The following GYG1 variants were observed in gnomAD, a reference collection of about 807,000 sequenced individuals.
GYG1 encodes glycogenin-1.
GYG1 carries 44 observed loss-of-function variants against 41.9 expected under a neutral mutation model. The ratio of observed to expected loss-of-function variants is 1.05; its 90% CI spans 0.83 to 1.35. The LOEUF is 1.35. GYG1 is among the 40% of genes most tolerant of loss of function. The pLI is 0.00. For synonymous variants in GYG1, 141 were observed against 158.1 expected (o/e 0.89, Z 0.81); for missense variants, 429 against 418.9 (o/e 1.02, Z -0.21).
chr3:148,996,328 A>T lies in GYG1; in HGVS notation c.170A>T (p.Glu57Val). The change falls in exon 3 of 8, where the codon GAA (glutamate) becomes GTA (valine). Residue 57 changes from glutamate (E) to valine (V), a missense_variant. Physicochemically the swap from Glu to Val is moderately radical, Grantham distance 121 (BLOSUM62 -2). Transcript: ENST00000345003. The stretch of plus-strand genomic sequence containing the variant: ...AAAGTTTTAGAGACAGTCTTTGATG[A>T]AGTCATCATGGTAGATGTCTTGGAC... ...MRKVLETVFDEVIMVDVLDSG... is the reference protein window; with the variant it reads ...MRKVLETVFDVVIMVDVLDSG... 6.2e-7 allele frequency: 1 copy of T among 1,611,660 alleles called. No homozygotes were observed. The highest frequency in any genetic ancestry group is 8.5e-7 in the Non-Finnish European group (1 of 1,179,342).
chr3:148,996,516 A>G (rs776697316), intron 3 of GYG1, 40 bp downstream of exon 3: 6 of 1,529,372 alleles, frequency 3.9e-6, no homozygotes, highest in East Asian at 2.2e-5. Flanking sequence ...AGACATATAT[A>G]TATATGGTGA....
intron 5 of GYG1, among the ~76,000 whole-genome samples, chr3:149,011,853 C>T (rs953919415): frequency 2.0e-5 from 3 of 152,178 alleles, no homozygotes; most frequent in South Asian, 2.1e-4. Context: ...GGAACAACTC[C>T]GTCCATTAGC....
At chr3:149,022,784 G>A (rs923990869) in intron 5 of GYG1, among the ~76,000 whole-genome samples, 4 of 152,088 alleles carry the variant, frequency 2.6e-5, no homozygotes, top group Admixed American at 6.5e-5. Context: ...GTAAGCCACC[G>A]TACCCGGCCT....
intron 4 of GYG1, among the ~76,000 whole-genome samples, chr3:148,997,525 TTCTG>T (rs528754507): frequency 2.0e-3 from 305 of 152,286 alleles, no homozygotes; most frequent in African/African-American, 6.9e-3. Flanking sequence ...TATATAATGG[TTCTG>T]TCTGTGATAT....
chr3:149,027,252 A>AGCCTGGT lies in GYG1; in HGVS notation c.*320_*326dup, dbSNP rs1174739197. ...CTGTATCAGTTCTTAAAATCTGCAG[A>AGCCTGGT]GCCTGGTTCAAAATCAGTCACTCCC... On this transcript the variant is annotated 3_prime_UTR_variant, in exon 8 of 8. Transcript: ENST00000345003. 1 of 359,898 alleles carries AGCCTGGT rather than the reference A, an allele frequency of 2.8e-6. No individual in the cohort carries two copies. The highest frequency in any genetic ancestry group is 5.2e-6 in the Non-Finnish European group (1 of 193,482). The allele number at this position is 359,898 out of a possible 1,614,324, so 22.3% of individuals were successfully genotyped here.
chr3:149,024,130 A>C lies in GYG1; in HGVS notation c.686A>C (p.Lys229Thr). ...PWNYTYDPKT[K>T]SVKSEAHDPN... ...AATTATACTTATGATCCCAAAACAA[A>C]AAGTGTCAAAAGTGAGGCCCATGAT... The change falls in exon 6 of 8, where the codon AAA becomes ACA. Residue 229 changes from lysine (K) to threonine (T), a missense_variant. Lys to Thr is a moderately conservative substitution (Grantham distance 78). Coordinates refer to ENST00000345003, the MANE Select transcript of GYG1 (RefSeq NM_004130.4). 1 of 1,613,998 alleles carries C rather than the reference A, an allele frequency of 6.2e-7. No individual in the cohort carries two copies. Among genetic ancestry groups the C allele is most frequent in the Non-Finnish European group, 8.5e-7 (1 of 1,179,866 alleles).
At chr3:149,025,456 T>G (rs1714601340) in intron 6 of GYG1, among the ~76,000 whole-genome samples, 1 of 152,322 alleles carries the variant, frequency 6.6e-6, no homozygotes, top group East Asian at 1.9e-4. Flanking sequence ...CATGGACTAC[T>G]GCTGGTCCGT....
chr3:148,995,213 AAAC>A (rs1243880190), intron 2 of GYG1, among the ~76,000 whole-genome samples: 7 of 152,166 alleles, frequency 4.6e-5, no homozygotes, highest in East Asian at 1.9e-4. Flanking sequence ...CTGTCTTAAA[AAAC>A]AACAACAACA....
At chr3:149,024,297 A>T in intron 6 of GYG1, 25 bp downstream of exon 6, 1 of 1,336,708 alleles carries the variant, frequency 7.5e-7, no homozygotes, top group Non-Finnish European at 1.1e-6. Flanking sequence ...TTTTCTTCAG[A>T]TCATTTAATG....
chr3:148,998,815 A>G (rs1038443936), intron 4 of GYG1, among the ~76,000 whole-genome samples: 1 of 152,354 alleles, frequency 6.6e-6, no homozygotes, highest in Admixed American at 6.5e-5. Flanking sequence ...TGTTTTTAGC[A>G]GAAGTCCACT....
At chr3:149,016,409 T>C (rs866072256) in intron 5 of GYG1, among the ~76,000 whole-genome samples, 16 of 151,860 alleles carry the variant, frequency 1.1e-4, no homozygotes, top group Middle Eastern at 6.4e-3. Flanking sequence ...AATCAGCCAA[T>C]AGAGGCTAAG....
chr3:149,008,750 G>A (rs1713551183), intron 4 of GYG1: 2 of 167,916 alleles, frequency 1.2e-5, no homozygotes, highest in Non-Finnish European at 2.6e-5. Context: ...GCAATGCCTA[G>A]TACAGTATCT....
chr3:149,027,017 C>T lies in GYG1; in HGVS notation c.*84C>T. On this transcript the variant is annotated 3_prime_UTR_variant, in exon 8 of 8. Coordinates refer to ENST00000345003, the MANE Select transcript of GYG1 (RefSeq NM_004130.4). ...TATCTAGAGCTGGGTTGAGAAAAGT[C>T]TGTTACAGTTGCTAGAGGTTTTCAT... 1.4e-6 allele frequency: 2 copies of T among 1,403,378 alleles called. No homozygotes were observed. Among genetic ancestry groups the T allele is most frequent in the Non-Finnish European group, 2.0e-6 (2 of 988,432 alleles). The allele number at this position is 1,403,378 out of a possible 1,614,324, so 86.9% of individuals were successfully genotyped here. A position where few individuals can be genotyped will look rare whatever the true frequency, so the allele number is the denominator to read the frequency against.
chr3:149,012,070 C>A (rs1259379168), intron 5 of GYG1, among the ~76,000 whole-genome samples: 1 of 152,164 alleles, frequency 6.6e-6, no homozygotes, highest in Non-Finnish European at 1.5e-5. Flanking sequence ...TTGTGGAGAC[C>A]CATCCAGAGA....
rs187975661 is a variant in GYG1 at position 149,010,720 on chromosome 3, A to G, written c.608+1318A>G. ...ACAGGATCCTATTATTTAGCCTCTG[A>G]CTCATTTGTGTTTAACTAAGAAGAT... On this transcript the variant is annotated intron_variant, in intron 5 of 7. Coordinates refer to ENST00000345003, the MANE Select transcript of GYG1 (RefSeq NM_004130.4). 3.5e-3 allele frequency among the ~76,000 whole-genome samples: 526 copies of G among 152,118 alleles called. 3 individuals carry two copies. The highest frequency in any genetic ancestry group is 8.5e-3 in the Admixed American group (130 of 15,276).
chr3:148,999,631 A>T (rs1048869445), intron 4 of GYG1, among the ~76,000 whole-genome samples: 4 of 152,232 alleles, frequency 2.6e-5, no homozygotes, highest in Non-Finnish European at 4.4e-5. Flanking sequence ...TTCTTTATGG[A>T]CAATGACTTT....
intron 5 of GYG1, among the ~76,000 whole-genome samples, chr3:149,021,668 C>T (rs1366747331): frequency 1.8e-4 from 27 of 152,092 alleles, no homozygotes; most frequent in Admixed American, 1.7e-3. Context: ...TAAAATTTAC[C>T]TTGTAGAAAT....
intron 5 of GYG1, among the ~76,000 whole-genome samples, chr3:149,016,354 T>C (rs1714041300): frequency 6.6e-6 from 1 of 151,214 alleles, no homozygotes; most frequent in Admixed American, 6.6e-5. Context: ...TGGGCACAGA[T>C]GCTTGTAGGC....
At chr3:149,026,603 T>C in intron 7 of GYG1, 101 bp downstream of exon 7, 1 of 1,012,064 alleles carries the variant, frequency 9.9e-7, no homozygotes, top group East Asian at 2.4e-5. Context: ...ATATAATCTA[T>C]ATTTTTGTGT....
Sources: allele counts gnomAD v4.1 joint callset (sites outside exome capture counted in the v4.1 genomes callset), GRCh38; gene constraint gnomAD v4.1.1; transcripts MANE v1.5; gene names NCBI Gene and HGNC (gene_info 2026-07-23, HGNC 2026-07-21).